Variants in IGBP1 observed in about 807,000 individuals in gnomAD.
IGBP1 encodes the protein immunoglobulin binding protein 1.
A neutral mutation model predicts 25.9 loss-of-function variants in IGBP1; 2 were observed. That is an observed-to-expected ratio of 0.08 (90% confidence interval 0.03 to 0.24). The LOEUF is 0.24. Ranked by LOEUF, IGBP1 falls within the 10% of genes least tolerant of loss-of-function variation. IGBP1 has a pLI of 1.00. For missense variants in IGBP1, 187 were observed against 260.4 expected (o/e 0.72, Z 1.94); for synonymous variants, 96 against 93.4 (o/e 1.03, Z -0.16).
intron 6 of IGBP1, among the ~76,000 whole-genome samples, chrX:70,155,563 G>C (rs781199581): frequency 9.1e-6 from 1 of 109,307 alleles, no homozygotes; most frequent in East Asian, 2.9e-4. Context: ...AACCTGAAAT[G>C]CTCCAAAATC....
At chrX:70,140,090 CTAT>C (rs1298588571) in intron 3 of IGBP1, among the ~76,000 whole-genome samples, 1 of 112,558 alleles carries the variant, frequency 8.9e-6, no homozygotes, top group African/African-American at 3.2e-5. Context: ...TAGTTAACAA[CTAT>C]TATTCTCTCT....
chrX:70,163,687 A>G (rs1466746939), intron 6 of IGBP1, among the ~76,000 whole-genome samples: 1 of 111,599 alleles, frequency 9.0e-6, no homozygotes, highest in Non-Finnish European at 1.9e-5. Context: ...ACCTATAATT[A>G]TAATTCATGC....
chrX:70,154,595 T>C (rs1302839117), intron 6 of IGBP1, among the ~76,000 whole-genome samples: 1 of 104,821 alleles, frequency 9.5e-6, no homozygotes, highest in African/African-American at 3.5e-5. Flanking sequence ...GGAGCAGTTT[T>C]AGGCCAGGTG....
chrX:70,135,811 A>C (rs1009257044), intron 3 of IGBP1, among the ~76,000 whole-genome samples: 2 of 111,470 alleles, frequency 1.8e-5, no homozygotes, highest in African/African-American at 6.5e-5. Flanking sequence ...CATCAAGGAG[A>C]GCCTGGGATG....
At chrX:70,153,788 C>CT (rs2085217972) in intron 6 of IGBP1, among the ~76,000 whole-genome samples, 1 of 111,859 alleles carries the variant, frequency 8.9e-6, no homozygotes, top group Admixed American at 9.5e-5. Flanking sequence ...AGATAATTCA[C>CT]TGCCAAGCTC....
intron 1 of IGBP1, 77 bp downstream of exon 1, chrX:70,133,617 T>C: frequency 2.5e-6 from 1 of 405,644 alleles, no homozygotes; most frequent in Non-Finnish European, 4.2e-6. Flanking sequence ...CAGCCTCGCC[T>C]CACCCGGGCT....
chrX:70,151,789 G>A (rs1200926697), intron 6 of IGBP1, among the ~76,000 whole-genome samples: 2 of 110,651 alleles, frequency 1.8e-5, no homozygotes, highest in Admixed American at 9.6e-5. Context: ...GAGGTGGTAG[G>A]ATCATGTGAG....
Position 70,133,931 on chromosome X carries a change from G to T in IGBP1, c.-17G>T, listed in dbSNP as rs1447018435. The T allele has an allele frequency of 8.3e-7, 1 of 1,206,675 alleles. No homozygotes were observed. Among genetic ancestry groups the T allele is most frequent in the African/African-American group, 1.7e-5 (1 of 57,671 alleles). The stretch of plus-strand genomic sequence containing the variant: ...TGACCCCGGAAAAGAGATCTTCCGG[G>T]TTCCTCTCTCCCCAAGATGGCTGCT... On this transcript the variant is annotated 5_prime_UTR_variant, in exon 2 of 7. Coordinates refer to ENST00000356413, the MANE Select transcript of IGBP1 (RefSeq NM_001551.3).
chrX:70,151,306 A>G (rs957548641), intron 6 of IGBP1, among the ~76,000 whole-genome samples: 14 of 110,411 alleles, frequency 1.3e-4, no homozygotes, highest in African/African-American at 4.6e-4. Flanking sequence ...TCTGAGCTTC[A>G]GTTTCCTTAT....
At chrX:70,138,371 C>T (rs906854979) in intron 3 of IGBP1, among the ~76,000 whole-genome samples, 1 of 107,305 alleles carries the variant, frequency 9.3e-6, no homozygotes, top group Non-Finnish European at 1.9e-5. Flanking sequence ...CCTGTAGTCC[C>T]AGCTACTCCA....
intron 6 of IGBP1, among the ~76,000 whole-genome samples, chrX:70,156,375 T>C (rs1029102297): frequency 9.2e-6 from 1 of 108,562 alleles, no homozygotes; most frequent in Admixed American, 9.9e-5. Context: ...TCTTTTCAGA[T>C]ACCCATGGAA....
Position 70,148,757 on chromosome X carries a change from T to A in IGBP1, c.679-4T>A. Reference sequence around the variant, plus strand: ...TCACCTCTCATAATTAATTTCCTTCTTAGGCATCAACTTCTAACTCATCTC... The same window carrying A: ...TCACCTCTCATAATTAATTTCCTTCATAGGCATCAACTTCTAACTCATCTC... On this transcript the variant is annotated splice_region_variant and splice_polypyrimidine_tract_variant and intron_variant, in intron 4 of 6. Coordinates refer to ENST00000356413, the MANE Select transcript of IGBP1 (RefSeq NM_001551.3). The A allele has an allele frequency of 8.5e-7, 1 of 1,178,325 alleles. No homozygotes were observed. Among genetic ancestry groups the A allele is most frequent in the East Asian group, 3.0e-5 (1 of 33,724 alleles).
At chrX:70,153,136 G>A (rs1057060493) in intron 6 of IGBP1, among the ~76,000 whole-genome samples, 2 of 112,076 alleles carry the variant, frequency 1.8e-5, no homozygotes, top group African/African-American at 6.5e-5. Context: ...TAAAAACTGT[G>A]GGCGCCAGAG....
At chrX:70,157,902 C>T (rs1434148281) in intron 6 of IGBP1, among the ~76,000 whole-genome samples, 2 of 112,049 alleles carry the variant, frequency 1.8e-5, no homozygotes, top group African/African-American at 3.2e-5. Context: ...CTTTTCTACA[C>T]GTATGTTGCA....
At chrX:70,163,590 T>A (rs1180563426) in intron 6 of IGBP1, among the ~76,000 whole-genome samples, 1 of 111,558 alleles carries the variant, frequency 9.0e-6, no homozygotes, top group East Asian at 2.8e-4. Flanking sequence ...AATAAATGAA[T>A]GGGTCTCGGC....
chrX:70,138,879 T>C (rs2085113304), intron 3 of IGBP1, among the ~76,000 whole-genome samples: 1 of 112,391 alleles, frequency 8.9e-6, no homozygotes, highest in African/African-American at 3.2e-5. Context: ...TATCTGTCAC[T>C]GTTTCCTTAG....
rs1312043825 is a variant in IGBP1 at position 70,134,646 on chromosome X, G to A, written c.312G>A (p.Arg104=). 1 of 1,210,453 alleles carries A rather than the reference G, an allele frequency of 8.3e-7. No homozygotes were observed. Among genetic ancestry groups the A allele is most frequent in the African/African-American group, 1.7e-5 (1 of 57,312 alleles). ...NPSKRLDHLQ[R]AREHFINYLT... is the part of the protein sequence containing the mutation. Reference sequence around the variant, plus strand: ...GCAAGCGTCTAGATCATTTGCAGCGGGCTCGAGAACACTTTATAAACTACT... The same window carrying A: ...GCAAGCGTCTAGATCATTTGCAGCGAGCTCGAGAACACTTTATAAACTACT... Residue 104 remains arginine (R), a synonymous_variant, in exon 3 of 7, where the codon CGG becomes CGA. Transcript: ENST00000356413.
chrX:70,145,439 T>A (rs1157611326), intron 3 of IGBP1, among the ~76,000 whole-genome samples: 1 of 111,338 alleles, frequency 9.0e-6, no homozygotes, highest in Non-Finnish European at 1.9e-5. Flanking sequence ...GCTTATATCC[T>A]TGCCTCATAG....
intron 5 of IGBP1, 54 bp downstream of exon 5, chrX:70,148,894 T>C: frequency 1.2e-6 from 1 of 852,273 alleles, no homozygotes; most frequent in South Asian, 2.1e-5. Flanking sequence ...TGGTTCAATG[T>C]GGCAATTCAT....
Sources: gnomAD v4.1 joint callset for allele counts (sites outside exome capture counted in the v4.1 genomes callset) on GRCh38, gnomAD v4.1.1 for gene constraint, MANE v1.5 for transcripts, NCBI Gene and HGNC (gene_info 2026-07-23, HGNC 2026-07-21) for gene names.